CDC20B: variants seen among roughly 807,000 people sequenced by gnomAD.
The protein encoded by CDC20B is cell division cycle 20B.
A neutral mutation model predicts 64.1 loss-of-function variants in CDC20B; 58 were observed. The ratio of observed to expected loss-of-function variants is 0.90; its 90% CI spans 0.73 to 1.13. The LOEUF (loss-of-function observed/expected upper bound fraction) is 1.13, where lower values mean the gene tolerates loss of function less well. CDC20B is among the 50% of genes most tolerant of loss of function. The pLI, the probability that CDC20B is intolerant of heterozygous loss-of-function variation, is 0.00. For synonymous variants in CDC20B, 243 were observed against 230.6 expected (o/e 1.05, Z -0.49); for missense variants, 597 against 633.0 (o/e 0.94, Z 0.61).
At chr5:55,150,695 T>C (rs917387142) in intron 2 of CDC20B, among the ~76,000 whole-genome samples, 2 of 152,182 alleles carry the variant, frequency 1.3e-5, no homozygotes, top group African/African-American at 4.8e-5. Context: ...GGTAAGGTGA[T>C]GAGTAATGCC....
rs1434070300 is a variant in CDC20B at position 55,114,256 on chromosome 5, C to A, written c.1522G>T (p.Ala508Ser). The A allele has an allele frequency of 1.9e-6, 3 of 1,613,902 alleles. No homozygotes were observed. Among genetic ancestry groups the A allele is most frequent in the Non-Finnish European group, 2.5e-6 (3 of 1,179,860 alleles). Residue 508 changes from alanine to serine, a missense_variant, in exon 12 of 12, where the codon GCA becomes TCA. This residue lies in a region of CDC20B where 353 missense variants were observed against 397.0 expected (regional missense o/e 0.89). Transcript: ENST00000381375. This position sits in a 1 kb window ranked among gnomAD's most constrained non-coding sequence, Gnocchi z 4.1. ...CATACAGAGGCCGTCCCATCAGCTG[C>A]AGCAGAAAACACCCGGGTCTGGTCT... is the stretch of plus-strand genomic sequence containing the variant. ...SPDQTRVFSA[A>S]ADGTASVWNC...
intron 3 of CDC20B, among the ~76,000 whole-genome samples, chr5:55,144,232 G>A (rs1321096626): frequency 2.0e-5 from 3 of 152,028 alleles, no homozygotes; most frequent in Non-Finnish European, 2.9e-5. Flanking sequence ...AGTTTAAGAT[G>A]GCATCAGTGA....
At position 55,146,721 on chromosome 5, in the gene CDC20B, C is replaced by G; in HGVS notation, c.262G>C (p.Asp88His). ...QQSQTRALSS[D>H]SFGEEQSTTY... ...GTTGACTGCTCTTCCCCAAAGGAAT[C>G]AGAGGACAGAGCCCTAGTTTGACTT... Residue 88 changes from aspartate to histidine, a missense_variant, in exon 3 of 12, where the codon GAT becomes CAT. This residue lies in a region of CDC20B where 241 missense variants were observed against 219.2 expected (regional missense o/e 1.10). Coordinates refer to ENST00000381375, the MANE Select transcript of CDC20B (RefSeq NM_001170402.1). The G allele has an allele frequency of 2.5e-6, 4 of 1,614,162 alleles. No individual in the cohort carries two copies. Among genetic ancestry groups the G allele is most frequent in the Non-Finnish European group, 3.4e-6 (4 of 1,180,038 alleles).
rs530840418 is a variant in CDC20B at position 55,167,771 on chromosome 5, A to G, written c.126+4817T>C. 2.1e-4 allele frequency among the ~76,000 whole-genome samples: 32 copies of G among 152,016 alleles called. 1 individual carries two copies. Among genetic ancestry groups the G allele is most frequent in the Admixed American group, 1.6e-3 (24 of 15,280 alleles). ...CCAGCTACATAGGAGGCTGAGGTGG[A>G]AGGATTGCTTGAGCCCAAAGAGGTC... On this transcript the variant is annotated intron_variant, in intron 2 of 11. Transcript: ENST00000381375.
At chr5:55,115,668 G>C (rs1742606334) in intron 11 of CDC20B, among the ~76,000 whole-genome samples, 1 of 152,186 alleles carries the variant, frequency 6.6e-6, no homozygotes, top group Admixed American at 6.5e-5. Flanking sequence ...AAACTAGATG[G>C]GTGGTCACTG....
rs571743480 is a variant in CDC20B, at chr5:55,165,583, A to T, written c.126+7005T>A. On this transcript the variant is annotated intron_variant, in intron 2 of 11. Coordinates refer to ENST00000381375, the MANE Select transcript of CDC20B (RefSeq NM_001170402.1). ...GTATTTGGACCAAAGTTATTAGATA[A>T]ACCAAAAATATTTCATGAAGCATCT... 7.9e-5 allele frequency: 12 copies of T among 152,198 alleles called. No individual in the cohort carries two copies. In the East Asian group the frequency reaches 2.3e-3, roughly 29 times the overall value. 9.4% of individuals were successfully genotyped at this position (152,198 alleles called of 1,614,324 possible). A position where few individuals can be genotyped will look rare whatever the true frequency, so the allele number is the denominator to read the frequency against.
At position 55,113,231 on chromosome 5, in the gene CDC20B, A is replaced by G. The variant is rs1742547691; in HGVS notation, c.*987T>C. On this transcript the variant is annotated 3_prime_UTR_variant, in exon 12 of 12. Coordinates refer to ENST00000381375, the MANE Select transcript of CDC20B (RefSeq NM_001170402.1). Reference sequence around the variant, plus strand: ...GGAGATGAATGTGAATTAACATTCAAAAGACAGAACAGCGAACTGATCAAG... The same window carrying G: ...GGAGATGAATGTGAATTAACATTCAGAAGACAGAACAGCGAACTGATCAAG... The G allele has an allele frequency of 6.6e-6, 1 of 152,264 alleles. No homozygotes were observed. Among genetic ancestry groups the G allele is most frequent in the Admixed American group, 6.5e-5 (1 of 15,288 alleles). The allele number at this position is 152,264 out of a possible 1,614,324, so 9.4% of individuals were successfully genotyped here.
chr5:55,169,804 T>C (rs1353397698), intron 2 of CDC20B, among the ~76,000 whole-genome samples: 1 of 152,198 alleles, frequency 6.6e-6, no homozygotes, highest in Non-Finnish European at 1.5e-5. Context: ...CCAATTCTAA[T>C]GCTGTATTTA....
intron 2 of CDC20B, among the ~76,000 whole-genome samples, chr5:55,171,639 G>A (rs980572761): frequency 6.6e-5 from 10 of 152,070 alleles, no homozygotes; most frequent in Non-Finnish European, 1.3e-4. Flanking sequence ...GTCTGGCTCT[G>A]TCCTCCAGGC....
At chr5:55,170,108 C>A (rs542150155) in intron 2 of CDC20B, among the ~76,000 whole-genome samples, 3 of 147,950 alleles carry the variant, frequency 2.0e-5, no homozygotes, top group African/African-American at 5.0e-5. Context: ...AGCGAGACTC[C>A]GTCTCAAAAA....
Position 55,119,909 on chromosome 5 carries a change from A to C in CDC20B, c.1351T>G (p.Leu451Val), listed in dbSNP as rs762668784. The change falls in exon 11 of 12, where the codon TTA (leucine) becomes GTA (valine). Residue 451 changes from leucine (L) to valine (V), a missense_variant. Physicochemically the swap from Leu to Val is conservative, Grantham distance 32. Coordinates refer to ENST00000381375, the MANE Select transcript of CDC20B (RefSeq NM_001170402.1). ...TPSTNSQICSLIWLPKTKEIA... is the reference protein window; with the variant it reads ...TPSTNSQICSVIWLPKTKEIA... ...TCCTTTGTCTTAGGTAGCCAGATTAAGGAACAAATCTGTAATAATGATCAA... is the reference window on the plus strand; with the variant it reads ...TCCTTTGTCTTAGGTAGCCAGATTACGGAACAAATCTGTAATAATGATCAA... 1 of 1,605,210 alleles carries C rather than the reference A, an allele frequency of 6.2e-7. No homozygotes were observed.
intron 7 of CDC20B, among the ~76,000 whole-genome samples, chr5:55,127,740 C>A (rs1428167043): frequency 2.0e-5 from 3 of 152,180 alleles, no homozygotes; most frequent in African/African-American, 7.2e-5. Flanking sequence ...TACCCGGACA[C>A]TTCCTAGAAT....
intron 2 of CDC20B, among the ~76,000 whole-genome samples, chr5:55,148,629 T>G (rs966244115): frequency 6.6e-6 from 1 of 152,168 alleles, no homozygotes; most frequent in Non-Finnish European, 1.5e-5. Flanking sequence ...GCAGGAGGAT[T>G]GCTTGCTGCA....
chr5:55,140,966 C>T (rs897598034), intron 4 of CDC20B, among the ~76,000 whole-genome samples: 8 of 152,160 alleles, frequency 5.3e-5, no homozygotes, highest in African/African-American at 1.9e-4. Context: ...TTCCTAAAAA[C>T]ATAGTGATAA....
rs767657385 is a variant in CDC20B at position 55,125,002 on chromosome 5, TGA to T, written c.1014_1015del (p.Tyr338Ter). 1.2e-6 allele frequency: 2 copies of T among 1,613,746 alleles called. No homozygotes were observed. Among genetic ancestry groups the T allele is most frequent in the Non-Finnish European group, 1.7e-6 (2 of 1,179,638 alleles). On this transcript the variant is annotated stop_gained and frameshift_variant, in exon 9 of 12. Transcript: ENST00000381375. LOFTEE classifies it high-confidence loss of function. ...ATGCTGGGCTACCCGAACATCGTGA[TGA>T]TAAACACGCCCCAGTCTTGACCCAC...
At chr5:55,160,119 A>G in intron 2 of CDC20B, 1 of 1,136,332 alleles carries the variant, frequency 8.8e-7, no homozygotes, top group Non-Finnish European at 1.3e-6. Flanking sequence ...TTTTCCGTTA[A>G]ACTAAGCCGG....
chr5:55,127,362 G>T lies in CDC20B; in HGVS notation c.895-11C>A. 1 of 1,608,500 alleles carries T rather than the reference G, an allele frequency of 6.2e-7. No individual in the cohort carries two copies. Among genetic ancestry groups the T allele is most frequent in the Non-Finnish European group, 8.5e-7 (1 of 1,174,994 alleles). ...TACCACATCCCATAACTGAAAAAATGAACAAGGAGAGTTATGTAGCATTGG... is the reference window on the plus strand; with the variant it reads ...TACCACATCCCATAACTGAAAAAATTAACAAGGAGAGTTATGTAGCATTGG... On this transcript the variant is annotated splice_polypyrimidine_tract_variant and intron_variant, in intron 7 of 11. Coordinates refer to ENST00000381375, the MANE Select transcript of CDC20B (RefSeq NM_001170402.1).
chr5:55,115,393 C>A (rs370294226), intron 11 of CDC20B, among the ~76,000 whole-genome samples: 1 of 152,162 alleles, frequency 6.6e-6, no homozygotes, highest in African/African-American at 2.4e-5. Context: ...ACAAATGTTT[C>A]GGAGATGAGG....
At position 55,140,309 on chromosome 5, in the gene CDC20B, T is replaced by C; in HGVS notation, c.580+5A>G. The C allele has an allele frequency of 6.2e-7, 1 of 1,600,086 alleles. No individual in the cohort carries two copies. Among genetic ancestry groups the C allele is most frequent in the Non-Finnish European group, 8.5e-7 (1 of 1,169,820 alleles). Reference sequence around the variant, plus strand: ...GGAAAGAAGGACAATGTCTTGATCCTGTACCTTTCCAAACACATTCGGATT... The same window carrying C: ...GGAAAGAAGGACAATGTCTTGATCCCGTACCTTTCCAAACACATTCGGATT... On this transcript the variant is annotated splice_donor_5th_base_variant and intron_variant, in intron 5 of 11. Coordinates refer to ENST00000381375, the MANE Select transcript of CDC20B (RefSeq NM_001170402.1).
Sources: allele counts gnomAD v4.1 joint callset (sites outside exome capture counted in the v4.1 genomes callset), GRCh38; gene constraint gnomAD v4.1.1; regional missense constraint gnomAD v4.1.1; non-coding constraint Gnocchi (gnomAD v3.1); transcripts MANE v1.5; gene names NCBI Gene and HGNC (gene_info 2026-07-23, HGNC 2026-07-21).